The following ACACB variants were observed in gnomAD, a reference collection of about 807,000 sequenced individuals.
ACACB encodes acetyl-CoA carboxylase beta, also known as acetyl-CoA carboxylase 2.
A neutral mutation model predicts 278.8 loss-of-function variants in ACACB; 209 were observed. The observed-to-expected ratio is 0.75, with a 90% confidence interval of 0.67 to 0.84. The LOEUF (loss-of-function observed/expected upper bound fraction) is 0.84. Among genes scored for constraint, ACACB ranks in the 40% least tolerant of loss-of-function variants. ACACB has a pLI of 0.00. For missense variants in ACACB, 2,850 were observed against 3,269.0 expected (o/e 0.87, Z 3.13); for synonymous variants, 1,174 against 1,285.6 (o/e 0.91, Z 1.86).
Position 109,191,743 on chromosome 12 carries a change from C to G in ACACB, c.2275C>G (p.Leu759Val). 6.2e-7 allele frequency: 1 copy of G among 1,614,186 alleles called. No individual in the cohort carries two copies. The highest frequency in any genetic ancestry group is 8.5e-7 in the Non-Finnish European group (1 of 1,180,028). ...CATCGACACCGGGTGGTTGGACTAC[C>G]TCATTGCTGAGAAAGTGCAGGTAGG... ...NDIDTGWLDY[L>V]IAEKVQAEKP... Residue 759 changes from leucine (L) to valine (V), a missense_variant, in exon 14 of 53, where the codon CTC becomes GTC. This residue lies in a region of ACACB where 2,265 missense variants were observed against 2,561.3 expected (regional missense o/e 0.88). Transcript: ENST00000338432.
chr12:109,222,031 G>T (rs1238046504), intron 24 of ACACB, among the ~76,000 whole-genome samples: 1 of 151,828 alleles, frequency 6.6e-6, no homozygotes, highest in Non-Finnish European at 1.5e-5. Context: ...GGGACTACAG[G>T]CATGTGCCAC....
chr12:109,187,635 T>A (rs980589561), intron 12 of ACACB, among the ~76,000 whole-genome samples: 1 of 151,766 alleles, frequency 6.6e-6, no homozygotes, highest in Non-Finnish European at 1.5e-5. Context: ...AATATTTTAA[T>A]TTTTTGTAGA....
chr12:109,241,454 C>A (rs2046797262), intron 36 of ACACB, among the ~76,000 whole-genome samples, 173 bp downstream of exon 36: 1 of 152,180 alleles, frequency 6.6e-6, no homozygotes, highest in Admixed American at 6.5e-5. Flanking sequence ...GCCTTTGAAT[C>A]TTGGTTTTTC....
At chr12:109,128,234 C>T (rs553400613) in intron 1 of ACACB, among the ~76,000 whole-genome samples, 4 of 151,754 alleles carry the variant, frequency 2.6e-5, no homozygotes, top group African/African-American at 7.3e-5. Context: ...CTGCAACCTC[C>T]ACCTCCCGGG....
chr12:109,225,731 C>A (rs906725144), intron 27 of ACACB, among the ~76,000 whole-genome samples: 5 of 152,236 alleles, frequency 3.3e-5, no homozygotes, highest in African/African-American at 9.6e-5. Context: ...CTATGGCAGC[C>A]ACCAGCCACG....
intron 1 of ACACB, among the ~76,000 whole-genome samples, chr12:109,119,633 A>G (rs940153033): frequency 1.2e-4 from 18 of 151,708 alleles, no homozygotes. Flanking sequence ...TGGGTGGCTC[A>G]CGCCTATAAT....
intron 6 of ACACB, among the ~76,000 whole-genome samples, chr12:109,173,513 C>T (rs764865888): frequency 6.6e-6 from 1 of 152,160 alleles, no homozygotes; most frequent in Non-Finnish European, 1.5e-5. Flanking sequence ...GGGCATCTGT[C>T]CTGTCTGACA....
chr12:109,144,754 C>CT (rs71079528), intron 2 of ACACB, among the ~76,000 whole-genome samples: 83 of 102,796 alleles, frequency 8.1e-4, no homozygotes, highest in East Asian at 2.0e-3. Flanking sequence ...TTCTTTCTTT[C>CT]TTTTTTTTTT....
At chr12:109,169,956 G>A (rs1490976580) in intron 4 of ACACB, among the ~76,000 whole-genome samples, 1 of 152,182 alleles carries the variant, frequency 6.6e-6, no homozygotes, top group African/African-American at 2.4e-5. Context: ...TGCATATAAA[G>A]TGCCACATTG....
intron 4 of ACACB, among the ~76,000 whole-genome samples, chr12:109,170,292 T>C (rs569952923): frequency 4.6e-5 from 7 of 152,250 alleles, no homozygotes; most frequent in Admixed American, 4.6e-4. Context: ...CTTGAACTCC[T>C]GACTTCAGGT....
At chr12:109,173,521 A>G (rs991592400) in intron 6 of ACACB, among the ~76,000 whole-genome samples, 2 of 152,148 alleles carry the variant, frequency 1.3e-5, no homozygotes, top group Non-Finnish European at 2.9e-5. Flanking sequence ...GTCCTGTCTG[A>G]CAGTTACCCA....
At chr12:109,227,154 T>A (rs1225521910) in intron 27 of ACACB, among the ~76,000 whole-genome samples, 1 of 152,158 alleles carries the variant, frequency 6.6e-6, no homozygotes, top group Non-Finnish European at 1.5e-5. Flanking sequence ...ATTTGCCATG[T>A]TGCCCAGACT....
chr12:109,227,672 TG>T (rs1254539040), intron 28 of ACACB, among the ~76,000 whole-genome samples, 183 bp downstream of exon 28: 1 of 152,204 alleles, frequency 6.6e-6, no homozygotes. Context: ...ATGGTGATAA[TG>T]CAGAGCCCAC....
At chr12:109,181,028 G>C (rs2044448186) in intron 11 of ACACB, among the ~76,000 whole-genome samples, 1 of 151,930 alleles carries the variant, frequency 6.6e-6, no homozygotes, top group African/African-American at 2.4e-5. Context: ...CTGTGTCTGT[G>C]AGTTCCATTG....
In ACACB at chr12:109,241,295, G is replaced by T. The variant is rs369686064; in HGVS notation, c.5022+14G>T. 2.0e-5 allele frequency: 32 copies of T among 1,612,654 alleles called. No homozygotes were observed. Among genetic ancestry groups the T allele is most frequent in the Non-Finnish European group, 2.7e-5 (32 of 1,178,910 alleles). Reference sequence around the variant, plus strand: ...AGATCTGGAAATGTAAGGCTGGCCCGCGCCGTGGGGGTCTAAGTCAAAGCA... The same window carrying T: ...AGATCTGGAAATGTAAGGCTGGCCCTCGCCGTGGGGGTCTAAGTCAAAGCA... On this transcript the variant is annotated intron_variant, in intron 36 of 52. Transcript: ENST00000338432.
chr12:109,237,531 A>G (rs1487741085), intron 34 of ACACB, 151 bp downstream of exon 34: 28 of 825,486 alleles, frequency 3.4e-5, no homozygotes, highest in Non-Finnish European at 4.3e-5. Flanking sequence ...AGTCCAGGGC[A>G]GGAGGCGGAC....
chr12:109,240,743 G>A (rs2046772490), intron 35 of ACACB, among the ~76,000 whole-genome samples: 1 of 151,924 alleles, frequency 6.6e-6, no homozygotes, highest in Non-Finnish European at 1.5e-5. Context: ...GTTCCAGAAG[G>A]AAGCAGTGCA....
intron 13 of ACACB, among the ~76,000 whole-genome samples, chr12:109,188,541 C>T (rs1220764254): frequency 1.3e-5 from 2 of 151,272 alleles, no homozygotes; most frequent in Non-Finnish European, 2.9e-5. Flanking sequence ...TCCTTCTTTC[C>T]CTCCCTTCCC....
At chr12:109,216,593 A>T (rs1169493706) in intron 22 of ACACB, 25 bp from the exon 23 acceptor site, 1 of 1,607,522 alleles carries the variant, frequency 6.2e-7, no homozygotes, top group Non-Finnish European at 8.5e-7. Context: ...TGTGAGCATT[A>T]AGAGCAGCCT....
Sources: allele counts gnomAD v4.1 joint callset (sites outside exome capture counted in the v4.1 genomes callset), GRCh38; gene constraint gnomAD v4.1.1; regional missense constraint gnomAD v4.1.1; transcripts MANE v1.5; gene names NCBI Gene and HGNC (gene_info 2026-07-23, HGNC 2026-07-21).